Variants in GPC6 observed in about 807,000 individuals in gnomAD.
The protein encoded by GPC6 is glypican-6.
GPC6 carries 14 observed loss-of-function variants against 55.2 expected under a neutral mutation model. The ratio of observed to expected loss-of-function variants is 0.25; its 90% CI spans 0.17 to 0.40. The LOEUF is 0.40. GPC6 is among the 10% of genes least tolerant of loss of function. The pLI is 1.00. For missense variants in GPC6, 641 were observed against 708.5 expected (o/e 0.90, Z 1.08); for synonymous variants, 278 against 259.6 (o/e 1.07, Z -0.68).
intron 2 of GPC6, among the ~76,000 whole-genome samples, chr13:93,779,216 A>G (rs1885562414): frequency 6.6e-6 from 1 of 152,186 alleles, no homozygotes. Flanking sequence ...GCCTCTCAGA[A>G]CTTAGTATTG....
chr13:94,386,789 G>A (rs927313774), intron 7 of GPC6, among the ~76,000 whole-genome samples: 7 of 151,810 alleles, frequency 4.6e-5, no homozygotes, highest in South Asian at 2.1e-4. Context: ...AGACTCTTTC[G>A]GCCACATTTT....
intron 3 of GPC6, among the ~76,000 whole-genome samples, chr13:93,891,357 G>A (rs188870507): frequency 6.3e-4 from 96 of 152,122 alleles, no homozygotes; most frequent in Middle Eastern, 3.4e-3. Context: ...CTTTCATTCT[G>A]TGTATCTCTA....
In GPC6 at chr13:94,061,966, C is replaced by T. The variant is rs1264046640; in HGVS notation, c.877+34072C>T. Among the ~76,000 whole-genome samples, 3 of 152,000 alleles carry T rather than the reference C, an allele frequency of 2.0e-5. No homozygotes were observed. The East Asian group carries it at 5.8e-4, about 29-fold the overall frequency. On this transcript the variant is annotated intron_variant, in intron 4 of 8. Coordinates refer to ENST00000377047, the MANE Select transcript of GPC6 (RefSeq NM_005708.5). Reference sequence around the variant, plus strand: ...GATGATGCTGGGTACTGGCAAATCTCGATTCTCTTACTCCAGTCCTAAGGA... The same window carrying T: ...GATGATGCTGGGTACTGGCAAATCTTGATTCTCTTACTCCAGTCCTAAGGA...
At chr13:94,095,721 G>A (rs530008591) in intron 4 of GPC6, among the ~76,000 whole-genome samples, 3 of 152,194 alleles carry the variant, frequency 2.0e-5, no homozygotes, top group East Asian at 1.9e-4. Context: ...TCAGATTTGC[G>A]ATAGTATTAC....
At chr13:93,346,771 T>C (rs1276778280) in intron 1 of GPC6, among the ~76,000 whole-genome samples, 4 of 152,198 alleles carry the variant, frequency 2.6e-5, no homozygotes, top group East Asian at 3.8e-4. Flanking sequence ...TTTAGTTCCA[T>C]AGTTTGAATT....
chr13:93,999,769 C>T (rs1274564125), intron 3 of GPC6, among the ~76,000 whole-genome samples: 1 of 152,220 alleles, frequency 6.6e-6, no homozygotes, highest in East Asian at 1.9e-4. Flanking sequence ...TTTTTAATCA[C>T]CATAATTCCT....
intron 1 of GPC6, among the ~76,000 whole-genome samples, chr13:93,431,971 A>G (rs1877377114): frequency 6.6e-6 from 1 of 152,170 alleles, no homozygotes; most frequent in African/African-American, 2.4e-5. Context: ...TTAATGAATT[A>G]TGGGAGTCCA....
At chr13:94,256,664 A>C (rs1891515232) in intron 4 of GPC6, among the ~76,000 whole-genome samples, 1 of 152,122 alleles carries the variant, frequency 6.6e-6, no homozygotes, top group African/African-American at 2.4e-5. Flanking sequence ...TGTAGTTCTT[A>C]GATTCTATTC....
intron 1 of GPC6, among the ~76,000 whole-genome samples, chr13:93,426,467 A>G (rs1051764388): frequency 6.1e-5 from 5 of 82,040 alleles, no homozygotes; most frequent in African/African-American, 1.9e-4. Context: ...GTTCCCACCT[A>G]TGAGTGAGAA....
intron 2 of GPC6, among the ~76,000 whole-genome samples, chr13:93,775,038 G>A (rs779367939): frequency 6.6e-6 from 1 of 152,270 alleles, no homozygotes; most frequent in East Asian, 1.9e-4. Flanking sequence ...GATGCCCAGA[G>A]ATCTTAAAGT....
chr13:93,857,201 G>T (rs552617756), intron 3 of GPC6, among the ~76,000 whole-genome samples: 1 of 151,514 alleles, frequency 6.6e-6, no homozygotes. Context: ...AAACACATCA[G>T]GGAGTTTACT....
chr13:93,923,601 G>C (rs1277123438), intron 3 of GPC6, among the ~76,000 whole-genome samples: 4 of 152,100 alleles, frequency 2.6e-5, no homozygotes, highest in African/African-American at 4.8e-5. Flanking sequence ...CAAATTTCCA[G>C]AATTTGAGTC....
intron 6 of GPC6, among the ~76,000 whole-genome samples, chr13:94,342,726 T>C (rs1427506117): frequency 1.3e-5 from 2 of 152,150 alleles, no homozygotes; most frequent in Non-Finnish European, 2.9e-5. Flanking sequence ...TGGTGCACTT[T>C]CTTCTCTGGC....
At chr13:93,559,421 C>G (rs557127062) in intron 2 of GPC6, among the ~76,000 whole-genome samples, 5 of 152,106 alleles carry the variant, frequency 3.3e-5, no homozygotes, top group Non-Finnish European at 7.4e-5. Flanking sequence ...TATATTCTAA[C>G]CAACAACCGT....
At chr13:93,850,581 C>T (rs890824680) in intron 3 of GPC6, among the ~76,000 whole-genome samples, 5 of 151,806 alleles carry the variant, frequency 3.3e-5, no homozygotes, top group African/African-American at 1.2e-4. Flanking sequence ...GCAACTGCTG[C>T]TGGGAACAGT....
intron 1 of GPC6, among the ~76,000 whole-genome samples, chr13:93,359,292 T>C (rs912119979): frequency 6.6e-6 from 1 of 152,066 alleles, no homozygotes; most frequent in African/African-American, 2.4e-5. Context: ...AAAAAAATAA[T>C]AATAATAACT....
At chr13:94,327,298 G>A (rs1877173651) in intron 6 of GPC6, among the ~76,000 whole-genome samples, 1 of 152,136 alleles carries the variant, frequency 6.6e-6, no homozygotes, top group African/African-American at 2.4e-5. Context: ...TGGAGACTTG[G>A]AATTTCGTGG....
chr13:94,012,228 T>A (rs1034679419), intron 3 of GPC6, among the ~76,000 whole-genome samples: 1 of 152,192 alleles, frequency 6.6e-6, no homozygotes, highest in African/African-American at 2.4e-5. Flanking sequence ...ACCAAACTAG[T>A]GTATAATCTC....
intron 1 of GPC6, among the ~76,000 whole-genome samples, chr13:93,250,227 T>C (rs1876738141): frequency 1.3e-5 from 2 of 152,230 alleles, no homozygotes; most frequent in African/African-American, 4.8e-5. Flanking sequence ...TACGAAAGGC[T>C]GTACACATGC....
Sources: allele counts gnomAD v4.1 joint callset (sites outside exome capture counted in the v4.1 genomes callset), GRCh38; gene constraint gnomAD v4.1.1; transcripts MANE v1.5; gene names NCBI Gene and HGNC (gene_info 2026-07-23, HGNC 2026-07-21).